MADD: variants seen among roughly 807,000 people sequenced by gnomAD.
MADD encodes the protein MAP kinase-activating death domain protein.
In MADD, 109 loss-of-function variants were observed where a neutral mutation model predicts 176.7. The observed-to-expected ratio is 0.62, with a 90% CI of 0.53 to 0.72. The LOEUF (loss-of-function observed/expected upper bound fraction) is 0.72. Among genes scored for constraint, MADD ranks in the 30% least tolerant of loss-of-function variants. The pLI, the probability that MADD is intolerant of heterozygous loss-of-function variation, is 0.00. For synonymous variants in MADD, 771 were observed against 771.3 expected (o/e 1.00, Z 0.01); for missense variants, 1,914 against 2,045.5 (o/e 0.94, Z 1.24).
chr11:47,292,778 C>T lies in MADD; in HGVS notation c.3302-1105C>T, dbSNP rs1404723782. On this transcript the variant is annotated intron_variant, in intron 19 of 32. Transcript: ENST00000402192. ...TGTGTAGGCCGCTTCTTTCCCCCTC[C>T]CCTCGTGTCAATCAGGCTATAACCA... Among the ~76,000 whole-genome samples, 6 of 152,158 alleles carry T rather than the reference C, an allele frequency of 3.9e-5. 1 individual carries two copies. In the East Asian group the frequency reaches 1.2e-3, roughly 29 times the overall value.
chr11:47,323,683 T>G, exon 28 of MADD: 1 of 1,613,402 alleles, frequency 6.2e-7, no homozygotes, highest in Non-Finnish European at 8.5e-7. Context: ...GTGCGATGAC[T>G]GTGTGGTGTT....
rs113260426 is a variant in MADD, at chr11:47,275,763, G to A, written c.660-136G>A. ...TTGTATATACTTTCCGGTCCTATCT[G>A]AGCTCAGAGACTGGGCTTTCTTAAT... On this transcript the variant is annotated intron_variant, in intron 3 of 32. Transcript: ENST00000402192. The A allele has an allele frequency of 7.3e-6, 6 of 823,982 alleles. No homozygotes were observed. In the African/African-American group the frequency reaches 8.5e-5, roughly 12 times the overall value. The allele number at this position is 823,982 out of a possible 1,614,324, so 51.0% of individuals were successfully genotyped here.
intron 27 of MADD, among the ~76,000 whole-genome samples, chr11:47,316,596 G>A (rs773223606): frequency 6.6e-6 from 1 of 151,596 alleles, no homozygotes; most frequent in South Asian, 2.1e-4. Context: ...CACCATGTTG[G>A]TCAGGCTGGT....
chr11:47,270,141 C>G (rs949302066), upstream of MADD: 1 of 152,034 alleles, frequency 6.6e-6, no homozygotes, highest in African/African-American at 2.4e-5. Context: ...CCAGTGCAGA[C>G]GCGGAACTGG....
chr11:47,286,883 A>G (rs1024896083), intron 15 of MADD, among the ~76,000 whole-genome samples: 2 of 152,168 alleles, frequency 1.3e-5, no homozygotes. Context: ...ATTCCGTGCC[A>G]AGGAGCTGGC....
At position 47,276,722 on chromosome 11, in the gene MADD, C is replaced by T. The variant is rs1166248043; in HGVS notation, c.964-10C>T. 6.2e-7 allele frequency: 1 copy of T among 1,613,912 alleles called. No individual in the cohort carries two copies. Among genetic ancestry groups the T allele is most frequent in the Middle Eastern group, 1.7e-4 (1 of 6,058 alleles). ...TTTTGGAGTGATTCTTACTGGATGGCTCATGACAGGTGGTGCTACAGTCCC... is the reference window on the plus strand; with the variant it reads ...TTTTGGAGTGATTCTTACTGGATGGTTCATGACAGGTGGTGCTACAGTCCC... On this transcript the variant is annotated splice_polypyrimidine_tract_variant and intron_variant, in intron 4 of 32. Transcript: ENST00000402192.
chr11:47,309,693 C>A, intron 25 of MADD, 81 bp downstream of exon 28: 2 of 1,050,240 alleles, frequency 1.9e-6, no homozygotes, highest in Non-Finnish European at 3.0e-6. Flanking sequence ...TTCGGGGTAG[C>A]TGGGAAGCTA....
At position 47,285,205 on chromosome 11, in the gene MADD, G is replaced by A. The variant is rs769482781; in HGVS notation, c.2411+11G>A. On this transcript the variant is annotated intron_variant, in intron 13 of 32. Transcript: ENST00000402192. Reference sequence around the variant, plus strand: ...TGTCAGTGGCAATCGGTGAGAGCCTGGGCATCCCTTCTAGATGGGTGACTG... The same window carrying A: ...TGTCAGTGGCAATCGGTGAGAGCCTAGGCATCCCTTCTAGATGGGTGACTG... 3 of 1,612,408 alleles carry A rather than the reference G, an allele frequency of 1.9e-6. No homozygotes were observed. In the East Asian group the frequency reaches 6.7e-5, roughly 36 times the overall value.
chr11:47,279,939 T>G (rs905441114), intron 7 of MADD, among the ~76,000 whole-genome samples: 1 of 151,990 alleles, frequency 6.6e-6, no homozygotes, highest in Admixed American at 6.6e-5. Context: ...GGCATGGTGG[T>G]GGACGCCCGT....
intron 25 of MADD, among the ~76,000 whole-genome samples, chr11:47,310,190 CTTTTT>C (rs144941495): frequency 6.8e-6 from 1 of 147,914 alleles, no homozygotes; most frequent in Non-Finnish European, 1.5e-5. Context: ...TTTTCATTTT[CTTTTT>C]TTTTGAGACA....
chr11:47,319,922 C>T (rs969819888), intron 27 of MADD, among the ~76,000 whole-genome samples: 8 of 132,780 alleles, frequency 6.0e-5, no homozygotes, highest in East Asian at 4.9e-4. Flanking sequence ...AACCCGGAGG[C>T]GGAGGTTGCA....
intron 22 of MADD, among the ~76,000 whole-genome samples, chr11:47,306,645 G>T (rs1213906499): frequency 6.6e-6 from 1 of 151,848 alleles, no homozygotes; most frequent in Non-Finnish European, 1.5e-5. Context: ...GAAGGGGGAT[G>T]GGGGGGAGGC....
chr11:47,276,862 A>G, exon 5 of MADD: 1 of 1,614,078 alleles, frequency 6.2e-7, no homozygotes, highest in Non-Finnish European at 8.5e-7. Context: ...TCAGCAGAGC[A>G]GGTGAGTCTC....
chr11:47,292,488 T>A, intron 19 of MADD, 55 bp from the exon 21 acceptor site: 1 of 1,555,272 alleles, frequency 6.4e-7, no homozygotes, highest in African/African-American at 1.4e-5. Context: ...TTCGTCTGTC[T>A]GACCAGCCTC....
At chr11:47,284,643 C>G (rs956670146) in intron 12 of MADD, 78 bp downstream of exon 12, 76 of 1,513,196 alleles carry the variant, frequency 5.0e-5, no homozygotes, top group Non-Finnish European at 6.2e-5. Flanking sequence ...CAGGCTGTAG[C>G]TATTCATTTG....
At chr11:47,303,943 C>CT (rs962135564) in intron 22 of MADD, among the ~76,000 whole-genome samples, 4 of 152,058 alleles carry the variant, frequency 2.6e-5, no homozygotes, top group Non-Finnish European at 5.9e-5. Context: ...TGTTTGGGGA[C>CT]TTTTGAGCTT....
At chr11:47,292,709 G>A (rs368445962) in intron 19 of MADD, 113 bp downstream of exon 21, 32 of 1,007,680 alleles carry the variant, frequency 3.2e-5, no homozygotes, top group Non-Finnish European at 4.1e-5. Flanking sequence ...CTCTTAGAGC[G>A]TGTTTGGAAT....
chr11:47,328,981 G>C (rs2095782321), intron 32 of MADD, 65 bp from the exon 37 acceptor site: 2 of 1,356,414 alleles, frequency 1.5e-6, no homozygotes, highest in South Asian at 1.2e-5. Context: ...CCCATTGGCA[G>C]ATCCTTCACA....
intron 27 of MADD, among the ~76,000 whole-genome samples, chr11:47,319,324 G>C (rs1414388372): frequency 3.3e-5 from 5 of 151,636 alleles, no homozygotes; most frequent in African/African-American, 1.2e-4. Flanking sequence ...GCAGAGATGG[G>C]GTTTTGCCAT....
Sources: allele counts gnomAD v4.1 joint callset (sites outside exome capture counted in the v4.1 genomes callset), GRCh38; gene constraint gnomAD v4.1.1; transcripts MANE v1.5; gene names NCBI Gene and HGNC (gene_info 2026-07-23, HGNC 2026-07-21).